The following GRM8 variants were observed in gnomAD, a reference collection of about 807,000 sequenced individuals.
GRM8 encodes the protein metabotropic glutamate receptor 8.
A neutral mutation model predicts 87.2 loss-of-function variants in GRM8; 47 were observed. The ratio of observed to expected loss-of-function variants is 0.54; its 90% confidence interval spans 0.43 to 0.69. The LOEUF (loss-of-function observed/expected upper bound fraction) is 0.69. GRM8 is among the 30% of genes least tolerant of loss of function. The pLI is 0.00. For missense variants in GRM8, 1,019 were observed against 1,139.2 expected, an observed-to-expected ratio of 0.89 and a Z score of 1.52; for synonymous variants, 396 against 404.5, an observed-to-expected ratio of 0.98 and a Z score of 0.25.
intron 8 of GRM8, among the ~76,000 whole-genome samples, chr7:126,552,338 A>G (rs1792679994): frequency 1.3e-5 from 2 of 152,136 alleles, no homozygotes; most frequent in South Asian, 4.1e-4. Flanking sequence ...CTTTGGCTCC[A>G]TATTATTTTA....
chr7:126,666,108 G>C (rs938236836), intron 7 of GRM8, among the ~76,000 whole-genome samples: 1 of 152,120 alleles, frequency 6.6e-6, no homozygotes, highest in Non-Finnish European at 1.5e-5. Flanking sequence ...TTGATAGTTA[G>C]AGTCAAGGAC....
chr7:126,520,929 T>G (rs1378330789), intron 9 of GRM8, among the ~76,000 whole-genome samples: 7 of 152,124 alleles, frequency 4.6e-5, no homozygotes, highest in Non-Finnish European at 8.8e-5. Flanking sequence ...TAACCAAGTG[T>G]TCGATAAATT....
intron 7 of GRM8, among the ~76,000 whole-genome samples, chr7:126,636,091 A>G (rs560036868): frequency 7.9e-5 from 12 of 152,258 alleles, no homozygotes; most frequent in African/African-American, 2.6e-4. Flanking sequence ...TTATGAAGCT[A>G]TATTTTTCTT....
intron 7 of GRM8, among the ~76,000 whole-genome samples, chr7:126,642,361 A>AG (rs1053633482): frequency 1.3e-5 from 2 of 152,028 alleles, no homozygotes; most frequent in African/African-American, 4.8e-5. Flanking sequence ...ACTGTAGGCC[A>AG]GGGGCGGTGG....
rs542884985 is a variant in GRM8, at chr7:126,835,098, G to T, written c.1157-65033C>A. On this transcript the variant is annotated intron_variant, in intron 6 of 10. Transcript: ENST00000339582. The stretch of plus-strand genomic sequence containing the variant: ...CTCAAAAAAAAAATAAAAAAAAAAA[G>T]AAAAGAAAAGAAAAATAAAACAGAA... Among the ~76,000 whole-genome samples the T allele has an allele frequency of 7.3e-4, 103 of 141,140 alleles. 1 individual carries two copies. Among genetic ancestry groups the T allele is most frequent in the African/African-American group, 2.5e-3 (95 of 38,708 alleles). 92.6% of individuals were successfully genotyped at this position (141,140 alleles called of 152,430 possible). A position where few individuals can be genotyped will look rare whatever the true frequency, so the allele number is the denominator to read the frequency against.
chr7:127,007,472 AC>A (rs1438052248), intron 3 of GRM8, among the ~76,000 whole-genome samples: 3 of 152,026 alleles, frequency 2.0e-5, no homozygotes, highest in Non-Finnish European at 4.4e-5. Flanking sequence ...ACTCTGCTTT[AC>A]TTTATATTAA....
chr7:127,036,710 T>G (rs1438161606), intron 3 of GRM8, among the ~76,000 whole-genome samples: 1 of 152,164 alleles, frequency 6.6e-6, no homozygotes, highest in Non-Finnish European at 1.5e-5. Context: ...GTAAGGACAC[T>G]GCTTGTTACG....
intron 3 of GRM8, among the ~76,000 whole-genome samples, chr7:126,955,274 G>A (rs534197973): frequency 2.2e-4 from 34 of 152,246 alleles, no homozygotes; most frequent in Non-Finnish European, 4.1e-4. Context: ...TCTCTTAGAA[G>A]TGTCCTATCT....
chr7:126,931,112 T>A (rs986515817), intron 3 of GRM8, among the ~76,000 whole-genome samples: 1 of 152,192 alleles, frequency 6.6e-6, no homozygotes, highest in Non-Finnish European at 1.5e-5. Context: ...GAAAAATGCG[T>A]TAGTTAAAAT....
chr7:126,916,255 A>T (rs928414929), intron 3 of GRM8, among the ~76,000 whole-genome samples: 2 of 152,254 alleles, frequency 1.3e-5, no homozygotes, highest in African/African-American at 4.8e-5. Context: ...TAATTTCATT[A>T]TGGAATTGCA....
intron 6 of GRM8, among the ~76,000 whole-genome samples, chr7:126,872,810 A>G (rs867736207): frequency 2.0e-5 from 3 of 152,116 alleles, no homozygotes; most frequent in Non-Finnish European, 4.4e-5. Flanking sequence ...GCATTTCATC[A>G]TCGAAGAAAA....
chr7:126,865,519 A>C (rs1319328489), intron 6 of GRM8, among the ~76,000 whole-genome samples: 1 of 152,206 alleles, frequency 6.6e-6, no homozygotes, highest in African/African-American at 2.4e-5. Context: ...AACCAATTTT[A>C]GAACGTTTTT....
At chr7:127,117,906 C>T (rs17867141) in intron 2 of GRM8, among the ~76,000 whole-genome samples, 1 of 152,300 alleles carries the variant, frequency 6.6e-6, no homozygotes, top group African/African-American at 2.4e-5. Flanking sequence ...GGCAAATATT[C>T]GATTTAGACT....
At chr7:126,625,877 T>A (rs1242762849) in intron 7 of GRM8, among the ~76,000 whole-genome samples, 1 of 152,140 alleles carries the variant, frequency 6.6e-6, no homozygotes, top group African/African-American at 2.4e-5. Context: ...AAAATGAATG[T>A]GAGAACAAAC....
chr7:126,644,053 G>A (rs572087444), intron 7 of GRM8, among the ~76,000 whole-genome samples: 2 of 152,184 alleles, frequency 1.3e-5, no homozygotes, highest in East Asian at 3.9e-4. Flanking sequence ...GTAGAGTTTC[G>A]TCTTTTGCAG....
intron 7 of GRM8, among the ~76,000 whole-genome samples, chr7:126,756,214 A>T (rs938319367): frequency 1.3e-5 from 2 of 152,076 alleles, no homozygotes; most frequent in Non-Finnish European, 2.9e-5. Flanking sequence ...ATGCAAAAAA[A>T]ATATAAATAA....
intron 9 of GRM8, among the ~76,000 whole-genome samples, chr7:126,515,266 G>C (rs1460233858): frequency 6.6e-6 from 1 of 152,082 alleles, no homozygotes; most frequent in Non-Finnish European, 1.5e-5. Context: ...TAGTATATCA[G>C]CTTAATATGC....
At chr7:127,225,309 C>T (rs1171802690) in intron 2 of GRM8, among the ~76,000 whole-genome samples, 1 of 152,184 alleles carries the variant, frequency 6.6e-6, no homozygotes, top group Non-Finnish European at 1.5e-5. Context: ...TTATGGAAGG[C>T]TCTTCTCAAA....
At chr7:127,224,533 A>G (rs973325858) in intron 2 of GRM8, among the ~76,000 whole-genome samples, 12 of 152,234 alleles carry the variant, frequency 7.9e-5, no homozygotes, top group African/African-American at 2.9e-4. Flanking sequence ...TAAAATAATG[A>G]CTAAAGGAAG....
Sources: allele counts gnomAD v4.1 joint callset (sites outside exome capture counted in the v4.1 genomes callset), GRCh38; gene constraint gnomAD v4.1.1; transcripts MANE v1.5; gene names NCBI Gene and HGNC (gene_info 2026-07-23, HGNC 2026-07-21).